Variants in DVL1 observed in about 807,000 individuals in gnomAD.
DVL1 encodes the protein dishevelled segment polarity protein 1, also known as segment polarity protein dishevelled homolog DVL-1.
In DVL1, 49 loss-of-function variants were observed where a neutral mutation model predicts 65.0. The observed-to-expected ratio is 0.75, with a 90% confidence interval of 0.60 to 0.96. The LOEUF is 0.96. Among genes scored for constraint, DVL1 ranks in the 40% least tolerant of loss-of-function variants. The pLI, the probability that DVL1 is intolerant of heterozygous loss-of-function variation, is 0.00. For missense variants in DVL1, 1,197 were observed against 1,045.4 expected (o/e 1.15, Z -2.00); for synonymous variants, 608 against 433.9 (o/e 1.40, Z -4.99).
intron 13 of DVL1, 40 bp downstream of exon 13, chr1:1,338,229 T>TGCCCCCCCCC: frequency 6.6e-7 from 1 of 1,522,372 alleles, no homozygotes; most frequent in Non-Finnish European, 9.0e-7. Context: ...CCTCCGGCGT[T>TGCCCCCCCCC]CCCCTCCCCC....
In DVL1 at chr1:1,336,381, G is replaced by A. The variant is rs748686111; in HGVS notation, c.1849C>T (p.Arg617Ter). The A allele has an allele frequency of 2.5e-6, 4 of 1,598,356 alleles. No individual in the cohort carries two copies. The Admixed American group carries it at 5.0e-5, about 20-fold the overall frequency. The part of the protein sequence containing the change: ...TAPSGVGSSW[R>*]ERPAGQLSRG... ...CTGAGCTGGCCGGCCGGACGCTCTC[G>A]CCAGCTGCTCCCCACCCCACTCGGT... is the stretch of plus-strand genomic sequence containing the variant. Residue 617 changes from arginine (R) to a stop codon, truncating the protein, a stop_gained, in exon 15 of 15, where the codon CGA becomes TGA. Coordinates refer to ENST00000378888, the MANE Select transcript of DVL1 (RefSeq NM_001330311.2). LOFTEE classifies it low-confidence loss of function (END_TRUNC).
intron 1 of DVL1, among the ~76,000 whole-genome samples, chr1:1,348,348 G>T (rs1303383796): frequency 6.6e-6 from 1 of 152,210 alleles, no homozygotes; most frequent in Non-Finnish European, 1.5e-5. Flanking sequence ...GGAAGCTCAG[G>T]ACACGGGTAG....
intron 8 of DVL1, 69 bp downstream of exon 8, chr1:1,339,969 C>G (rs933528433): frequency 6.4e-7 from 1 of 1,571,520 alleles, no homozygotes; most frequent in African/African-American, 1.3e-5. Context: ...CCCGCAGCCG[C>G]ACGTCACCCC....
Position 1,336,213 on chromosome 1 carries a change from A to G in DVL1, c.2017T>C (p.Leu673=), listed in dbSNP as rs1363652225. The G allele has an allele frequency of 6.4e-7, 1 of 1,561,402 alleles. No individual in the cohort carries two copies. The change falls in exon 15 of 15, where the codon TTG becomes CTG. Residue 673 remains leucine (L), a synonymous_variant. Transcript: ENST00000378888. ...TGGAAGGACTGGCGGCTGCCTGTCAATTCCGGGGGGACGGCAGCCAGCTCC... is the reference window on the plus strand; with the variant it reads ...TGGAAGGACTGGCGGCTGCCTGTCAGTTCCGGGGGGACGGCAGCCAGCTCC... ...VRELAAVPPE[L]TGSRQSFQKA...
intron 5 of DVL1, among the ~76,000 whole-genome samples, chr1:1,341,051 ACACACATGCACACCTG>A (rs1321064378): frequency 2.7e-5 from 4 of 145,496 alleles, no homozygotes; most frequent in Non-Finnish European, 6.0e-5. Context: ...GCACCCCTGC[ACACACATGCACACCTG>A]CACACACGCA....
At chr1:1,338,229 T>TTGGG in intron 13 of DVL1, 40 bp downstream of exon 13, 78 of 1,521,982 alleles carry the variant, frequency 5.1e-5, no homozygotes, top group Non-Finnish European at 6.7e-5. Context: ...CCTCCGGCGT[T>TTGGG]CCCCTCCCCC....
intron 12 of DVL1, 33 bp downstream of exon 12, chr1:1,338,488 CT>C (rs755815862): frequency 1.2e-5 from 19 of 1,611,248 alleles, no homozygotes; most frequent in South Asian, 2.2e-5. Context: ...AGCCCTGCCC[CT>C]GGCACTATCC....
intron 1 of DVL1, among the ~76,000 whole-genome samples, chr1:1,347,774 G>T (rs987086319): frequency 6.6e-6 from 1 of 152,170 alleles, no homozygotes; most frequent in Admixed American, 6.5e-5. Context: ...ACCGGAGCGG[G>T]CAGGAGGGCC....
At chr1:1,341,082 T>G (rs937715714) in intron 5 of DVL1, among the ~76,000 whole-genome samples, 12 of 129,972 alleles carry the variant, frequency 9.2e-5, no homozygotes, top group Middle Eastern at 6.9e-3. Context: ...CACGCACCCC[T>G]GCACACAGGC....
chr1:1,339,842 G>A (rs1175111900), intron 8 of DVL1, 30 bp from the exon 9 acceptor site: 1 of 1,534,148 alleles, frequency 6.5e-7, no homozygotes, highest in East Asian at 2.5e-5. Context: ...GGTGGTGCAG[G>A]CAGGATGTGC....
chr1:1,343,693 C>T (rs1470220138), intron 1 of DVL1, among the ~76,000 whole-genome samples: 1 of 152,146 alleles, frequency 6.6e-6, no homozygotes, highest in Non-Finnish European at 1.5e-5. Flanking sequence ...CACAGTCCAC[C>T]TACAAGGACT....
chr1:1,338,497 T>G (rs1267540940), intron 12 of DVL1, 25 bp downstream of exon 12: 2 of 1,611,426 alleles, frequency 1.2e-6, no homozygotes, highest in East Asian at 2.2e-5. Flanking sequence ...CCTGGCACTA[T>G]CCGCCCGCGG....
At chr1:1,337,125 C>A (rs953009602) in intron 14 of DVL1, 22 of 987,146 alleles carry the variant, frequency 2.2e-5, no homozygotes, top group Non-Finnish European at 2.5e-5. Context: ...CCAGCACCCA[C>A]CCGCCACCAG....
chr1:1,343,906 C>T (rs1643881953), intron 1 of DVL1, among the ~76,000 whole-genome samples: 1 of 152,184 alleles, frequency 6.6e-6, no homozygotes, highest in Non-Finnish European at 1.5e-5. Flanking sequence ...CCAGGTGCCT[C>T]ACCAGTCCAC....
rs1032727834 is a variant in DVL1, at chr1:1,343,281, C to A, written c.171-523G>T. Among the ~76,000 whole-genome samples the A allele has an allele frequency of 5.3e-5, 8 of 152,176 alleles. No individual in the cohort carries two copies. The East Asian group carries it at 1.4e-3, about 26-fold the overall frequency. ...AGCCCCCCCCCCCCAGGGCTTCCCCCACACTGGGACTCCTCAGGGCCAGGC... is the reference window on the plus strand; with the variant it reads ...AGCCCCCCCCCCCCAGGGCTTCCCCAACACTGGGACTCCTCAGGGCCAGGC... On this transcript the variant is annotated intron_variant, in intron 1 of 14. Transcript: ENST00000378888.
intron 1 of DVL1, among the ~76,000 whole-genome samples, chr1:1,348,474 G>C (rs116297005): frequency 6.6e-6 from 1 of 152,182 alleles, no homozygotes; most frequent in Non-Finnish European, 1.5e-5. Flanking sequence ...GCAAACCCTA[G>C]CAGACAGGTT....
chr1:1,345,340 G>A (rs1479853660), intron 1 of DVL1, among the ~76,000 whole-genome samples: 1 of 152,216 alleles, frequency 6.6e-6, no homozygotes, highest in African/African-American at 2.4e-5. Flanking sequence ...AAAGGGAGCA[G>A]GACCCAAACA....
At chr1:1,338,720 C>A (rs962390976) in intron 11 of DVL1, 67 bp from the exon 12 acceptor site, 3 of 1,557,244 alleles carry the variant, frequency 1.9e-6, no homozygotes, top group Admixed American at 1.8e-5. Flanking sequence ...GGCCCTGCAC[C>A]CCCAGGGGAG....
chr1:1,339,571 G>A lies in DVL1; in HGVS notation c.1054+11C>T, dbSNP rs1185744683. The A allele has an allele frequency of 4.4e-6, 7 of 1,603,522 alleles. No individual in the cohort carries two copies. Among genetic ancestry groups the A allele is most frequent in the Non-Finnish European group, 6.0e-6 (7 of 1,175,296 alleles). ...CCCCATCCCGCCCCGTGTGCCCCGA[G>A]GGCCACTCACCCCGTGGGACGGTGA... On this transcript the variant is annotated intron_variant, in intron 10 of 14. Transcript: ENST00000378888.
Sources: allele counts gnomAD v4.1 joint callset (sites outside exome capture counted in the v4.1 genomes callset), GRCh38; gene constraint gnomAD v4.1.1; transcripts MANE v1.5; gene names NCBI Gene and HGNC (gene_info 2026-07-23, HGNC 2026-07-21).